NLGN1: variants seen among roughly 807,000 people sequenced by gnomAD.
NLGN1 encodes neuroligin-1.
Under a neutral mutation model 65.5 loss-of-function variants are expected in NLGN1, and 12 were observed. The observed-to-expected ratio is 0.18, with a 90% CI of 0.12 to 0.30. The LOEUF (loss-of-function observed/expected upper bound fraction) is 0.30, where lower values mean the gene tolerates loss of function less well. Ranked by LOEUF, NLGN1 falls within the 10% of genes least tolerant of loss-of-function variation. NLGN1 has a pLI of 1.00. For missense variants in NLGN1, 750 were observed against 1,007.1 expected, an observed-to-expected ratio of 0.74 and a Z score of 3.46; for synonymous variants, 350 against 359.5, an observed-to-expected ratio of 0.97 and a Z score of 0.30.
chr3:173,631,397 A>G (rs1320613392), intron 3 of NLGN1, among the ~76,000 whole-genome samples: 1 of 152,022 alleles, frequency 6.6e-6, no homozygotes, highest in African/African-American at 2.4e-5. Context: ...TTTACTCCCG[A>G]ACAGCAAAAA....
At chr3:173,617,587 A>G (rs28468515) in intron 3 of NLGN1, among the ~76,000 whole-genome samples, 2 of 152,198 alleles carry the variant, frequency 1.3e-5, no homozygotes, top group African/African-American at 4.8e-5. Flanking sequence ...CAAAGCCAAC[A>G]TCAGAGTCTT....
chr3:174,254,846 A>G (rs1181509222), intron 4 of NLGN1, among the ~76,000 whole-genome samples: 1 of 152,204 alleles, frequency 6.6e-6, no homozygotes, highest in Non-Finnish European at 1.5e-5. Flanking sequence ...GTGTAGTCTA[A>G]CTATATTTGT....
intron 2 of NLGN1, among the ~76,000 whole-genome samples, chr3:173,497,713 T>C (rs1463638239): frequency 6.6e-6 from 1 of 151,798 alleles, no homozygotes; most frequent in Non-Finnish European, 1.5e-5. Context: ...ATTGATATTC[T>C]ATTAAAATTC....
rs1739115788 is a variant in NLGN1 at position 174,223,851 on chromosome 3, C to T, written c.647-51464C>T. ...CAAATCATTAACTTCCAAATTGCTCCTCCTTCTGCATTTTCTCCCTGAGTT... is the reference window on the plus strand; with the variant it reads ...CAAATCATTAACTTCCAAATTGCTCTTCCTTCTGCATTTTCTCCCTGAGTT... On this transcript the variant is annotated intron_variant, in intron 4 of 6. Transcript: ENST00000457714. Among the ~76,000 whole-genome samples, 4 of 152,268 alleles carry T rather than the reference C, an allele frequency of 2.6e-5. No individual in the cohort carries two copies. In the South Asian group the frequency reaches 8.3e-4, roughly 32 times the overall value.
intron 2 of NLGN1, among the ~76,000 whole-genome samples, chr3:173,539,423 T>C (rs1738051807): frequency 6.8e-6 from 1 of 146,176 alleles, no homozygotes; most frequent in Non-Finnish European, 1.5e-5. Context: ...ATATATGTTA[T>C]ATATAACATA....
intron 3 of NLGN1, among the ~76,000 whole-genome samples, chr3:173,686,237 C>G (rs568324421): frequency 6.7e-6 from 1 of 148,320 alleles, no homozygotes; most frequent in African/African-American, 2.5e-5. Context: ...TAATATTGTA[C>G]TAAGATGAGA....
At chr3:173,559,698 G>A (rs1742335444) in intron 2 of NLGN1, among the ~76,000 whole-genome samples, 1 of 152,066 alleles carries the variant, frequency 6.6e-6, no homozygotes, top group Non-Finnish European at 1.5e-5. Flanking sequence ...TAGAAGTCGA[G>A]ATATAACGAA....
intron 4 of NLGN1, among the ~76,000 whole-genome samples, chr3:173,897,190 G>T (rs1736490168): frequency 6.6e-6 from 1 of 152,004 alleles, no homozygotes; most frequent in South Asian, 2.1e-4. Context: ...TCACTCTTTT[G>T]CTGGGCAATT....
chr3:173,738,651 G>A (rs533545793), intron 3 of NLGN1, among the ~76,000 whole-genome samples: 2 of 152,060 alleles, frequency 1.3e-5, no homozygotes, highest in South Asian at 4.2e-4. Flanking sequence ...GTAACTTTGG[G>A]GTAAGTTTTG....
chr3:173,544,123 G>C (rs1359636876), intron 2 of NLGN1, among the ~76,000 whole-genome samples: 2 of 152,032 alleles, frequency 1.3e-5, no homozygotes, highest in Non-Finnish European at 2.9e-5. Flanking sequence ...TTGAATTGCG[G>C]GTAATAGTGG....
At chr3:174,032,077 T>C (rs1170236775) in intron 4 of NLGN1, among the ~76,000 whole-genome samples, 1 of 152,134 alleles carries the variant, frequency 6.6e-6, no homozygotes, top group African/African-American at 2.4e-5. Context: ...CCAGGCATGG[T>C]GTTAATTAAT....
At chr3:173,769,262 C>T (rs148375903) in intron 3 of NLGN1, among the ~76,000 whole-genome samples, 212 of 152,278 alleles carry the variant, frequency 1.4e-3, no homozygotes, top group African/African-American at 4.8e-3. Context: ...CAGTGGTTCA[C>T]TGTTTCTTCC....
intron 4 of NLGN1, among the ~76,000 whole-genome samples, chr3:173,812,781 A>G (rs1216843597): frequency 2.1e-5 from 3 of 146,122 alleles, no homozygotes; most frequent in Non-Finnish European, 3.0e-5. Context: ...ATGTGTGTGT[A>G]TATATATATG....
At chr3:173,418,939 C>G (rs904771465) in intron 1 of NLGN1, among the ~76,000 whole-genome samples, 1 of 147,986 alleles carries the variant, frequency 6.8e-6, no homozygotes, top group African/African-American at 2.5e-5. Context: ...TGTGGCCCAT[C>G]ACAAATTTGT....
At chr3:174,238,560 A>G (rs1742175807) in intron 4 of NLGN1, among the ~76,000 whole-genome samples, 1 of 152,002 alleles carries the variant, frequency 6.6e-6, no homozygotes, top group Non-Finnish European at 1.5e-5. Flanking sequence ...ATGGGGTTTT[A>G]CCACGTTGGC....
chr3:173,778,558 A>G (rs1480335701), intron 3 of NLGN1, among the ~76,000 whole-genome samples: 1 of 151,926 alleles, frequency 6.6e-6, no homozygotes, highest in Non-Finnish European at 1.5e-5. Context: ...AATTTTTGCC[A>G]TTATTATATA....
chr3:174,033,007 T>G (rs1730353149), intron 4 of NLGN1, among the ~76,000 whole-genome samples: 1 of 152,088 alleles, frequency 6.6e-6, no homozygotes, highest in East Asian at 1.9e-4. Context: ...TCTATCTATA[T>G]ATATAGATCT....
In NLGN1 at chr3:173,623,964, G is replaced by A. The variant is rs553558539; in HGVS notation, c.493+18873G>A. On this transcript the variant is annotated intron_variant, in intron 3 of 6. Transcript: ENST00000457714. ...AGATAGGCAATAAATAACTTTATTA[G>A]CCTTTTTTCTTTTTTCAAATACAAA... 1.4e-4 allele frequency among the ~76,000 whole-genome samples: 21 copies of A among 152,186 alleles called. 1 individual carries two copies. In the South Asian group the frequency reaches 4.1e-3, roughly 30 times the overall value.
At chr3:173,800,275 C>A in intron 3 of NLGN1, 3 of 961,536 alleles carry the variant, frequency 3.1e-6, no homozygotes, top group Non-Finnish European at 4.0e-6. Context: ...TCCTCCATTT[C>A]TCCGTTCTCA....
Sources: allele counts gnomAD v4.1 joint callset (sites outside exome capture counted in the v4.1 genomes callset), GRCh38; gene constraint gnomAD v4.1.1; transcripts MANE v1.5; gene names NCBI Gene and HGNC (gene_info 2026-07-23, HGNC 2026-07-21).